The following KLF12 variants were observed in gnomAD, a reference collection of about 807,000 sequenced individuals.
KLF12 encodes the protein Krueppel-like factor 12.
A neutral mutation model predicts 37.8 loss-of-function variants in KLF12; 9 were observed. That is an observed-to-expected ratio of 0.24 (90% CI 0.14 to 0.42). The LOEUF (loss-of-function observed/expected upper bound fraction) is 0.42, where lower values mean the gene tolerates loss of function less well. Ranked by LOEUF, KLF12 falls within the 10% of genes least tolerant of loss-of-function variation. The probability of loss-of-function intolerance (pLI) is 1.00; values close to 1 mark genes in which losing one functional copy is unlikely to be tolerated. For missense variants in KLF12, 411 were observed against 516.0 expected (o/e 0.80, Z 1.97); for synonymous variants, 208 against 202.1 (o/e 1.03, Z -0.25).
intron 2 of KLF12, among the ~76,000 whole-genome samples, chr13:73,958,922 G>T (rs1030151033): frequency 2.6e-5 from 4 of 151,960 alleles, no homozygotes; most frequent in African/African-American, 9.7e-5. Context: ...AAACACGAAG[G>T]TGATCTCATC....
intron 2 of KLF12, among the ~76,000 whole-genome samples, chr13:73,951,350 T>A (rs1804777220): frequency 6.6e-6 from 1 of 152,230 alleles, no homozygotes; most frequent in African/African-American, 2.4e-5. Context: ...ATCAACTTTT[T>A]TTAACTACGG....
intron 2 of KLF12, among the ~76,000 whole-genome samples, chr13:73,949,314 C>T (rs568702270): frequency 1.1e-4 from 16 of 152,298 alleles, no homozygotes; most frequent in Non-Finnish European, 1.5e-4. Context: ...AACAGCTCCT[C>T]CCTGAGCTGG....
At chr13:73,699,009 G>A (rs1187294163) in intron 7 of KLF12, among the ~76,000 whole-genome samples, 2 of 152,056 alleles carry the variant, frequency 1.3e-5, no homozygotes, top group Non-Finnish European at 2.9e-5. Context: ...AAACACACAT[G>A]ATATTTCAAA....
At chr13:73,923,698 T>C (rs895899646) in intron 3 of KLF12, among the ~76,000 whole-genome samples, 1 of 152,210 alleles carries the variant, frequency 6.6e-6, no homozygotes, top group Non-Finnish European at 1.5e-5. Flanking sequence ...TGTTCTCAGA[T>C]TGCTGTTAAG....
intron 3 of KLF12, among the ~76,000 whole-genome samples, chr13:73,906,033 T>C (rs868551754): frequency 3.0e-4 from 45 of 152,180 alleles, no homozygotes; most frequent in Admixed American, 2.8e-3. Context: ...TGTGTATTGA[T>C]TGCCTTTTCA....
intron 1 of KLF12, among the ~76,000 whole-genome samples, chr13:74,071,332 T>C (rs1397785179): frequency 6.6e-6 from 1 of 152,142 alleles, no homozygotes; most frequent in Non-Finnish European, 1.5e-5. Context: ...CTATTTCATA[T>C]GGCAGGTGTT....
the KLF12 span, among the ~76,000 whole-genome samples, chr13:74,268,239 G>A: frequency 6.6e-6 from 1 of 152,258 alleles, no homozygotes; most frequent in East Asian, 1.9e-4. Context: ...TCCATTTTTA[G>A]CTAAGGAGCT....
intron 1 of KLF12, among the ~76,000 whole-genome samples, chr13:74,019,012 A>G (rs1453781816): frequency 6.6e-6 from 1 of 152,198 alleles, no homozygotes; most frequent in Non-Finnish European, 1.5e-5. Context: ...AAAACTGTGT[A>G]TGTATTTTTT....
chr13:73,968,708 A>G (rs1891241080), intron 2 of KLF12, among the ~76,000 whole-genome samples: 1 of 152,196 alleles, frequency 6.6e-6, no homozygotes, highest in Non-Finnish European at 1.5e-5. Flanking sequence ...TGCAAACTCC[A>G]CGAGGAAAGA....
At chr13:74,143,501 G>A in the KLF12 span, among the ~76,000 whole-genome samples, 1 of 151,996 alleles carries the variant, frequency 6.6e-6, no homozygotes, top group African/African-American at 2.4e-5. Context: ...ACCATTGGAA[G>A]CATTTTTCAT....
At chr13:73,704,397 A>C (rs1447811742) in intron 7 of KLF12, among the ~76,000 whole-genome samples, 1 of 152,076 alleles carries the variant, frequency 6.6e-6, no homozygotes, top group Non-Finnish European at 1.5e-5. Context: ...TCAGGTACCA[A>C]ATCGTCAATG....
intron 7 of KLF12, among the ~76,000 whole-genome samples, chr13:73,713,570 T>G (rs979425995): frequency 3.3e-5 from 5 of 152,234 alleles, no homozygotes; most frequent in African/African-American, 1.2e-4. Flanking sequence ...AAGTCCATTC[T>G]GACCCTTAGA....
chr13:74,030,585 C>T (rs1427107414), intron 1 of KLF12, among the ~76,000 whole-genome samples: 1 of 152,074 alleles, frequency 6.6e-6, no homozygotes, highest in Non-Finnish European at 1.5e-5. Flanking sequence ...CGCTCTCTCT[C>T]ATTTTGGCCC....
chr13:73,752,655 C>G lies in KLF12; in HGVS notation c.869+12283G>C, dbSNP rs564540934. On this transcript the variant is annotated intron_variant, in intron 6 of 7. Transcript: ENST00000377669. ...CTCCTTCTGTGGATACCATTCTAGTCGTGGCTAGCATGTCTTTCTCCTCAG... is the reference window on the plus strand; with the variant it reads ...CTCCTTCTGTGGATACCATTCTAGTGGTGGCTAGCATGTCTTTCTCCTCAG... Among the ~76,000 whole-genome samples, 7 of 152,046 alleles carry G rather than the reference C, an allele frequency of 4.6e-5. No individual in the cohort carries two copies. In the East Asian group the frequency reaches 1.4e-3, roughly 29 times the overall value.
chr13:73,919,636 C>T (rs1223695469), intron 3 of KLF12, among the ~76,000 whole-genome samples: 10 of 152,150 alleles, frequency 6.6e-5, no homozygotes, highest in East Asian at 1.9e-4. Flanking sequence ...GCATTTCACT[C>T]GTCTCCAATT....
At chr13:74,136,611 C>T (rs1314742452), upstream of KLF12, among the ~76,000 whole-genome samples, 1 of 152,142 alleles carries the variant, frequency 6.6e-6, no homozygotes, top group Admixed American at 6.5e-5. Flanking sequence ...ATAGCGAGTG[C>T]TTCTGCACGT....
the KLF12 span, among the ~76,000 whole-genome samples, chr13:74,282,278 A>T: frequency 2.6e-5 from 4 of 152,244 alleles, no homozygotes; most frequent in Non-Finnish European, 5.9e-5. Flanking sequence ...CTTAGCAGAA[A>T]ATTCAGTCTG....
At chr13:73,898,756 TG>T (rs2139069269) in intron 3 of KLF12, among the ~76,000 whole-genome samples, 1 of 152,330 alleles carries the variant, frequency 6.6e-6, no homozygotes, top group East Asian at 1.9e-4. Flanking sequence ...AGTCCTTGAC[TG>T]GACACACATT....
the KLF12 span, among the ~76,000 whole-genome samples, chr13:74,275,334 G>A: frequency 6.6e-6 from 1 of 152,156 alleles, no homozygotes; most frequent in African/African-American, 2.4e-5. Flanking sequence ...GGGAACCATT[G>A]GAGGGTTTTA....
Sources: allele counts gnomAD v4.1 joint callset (sites outside exome capture counted in the v4.1 genomes callset), GRCh38; gene constraint gnomAD v4.1.1; transcripts MANE v1.5; gene names NCBI Gene and HGNC (gene_info 2026-07-23, HGNC 2026-07-21).